LAMC3: variants seen among roughly 807,000 people sequenced by gnomAD.
LAMC3 encodes laminin subunit gamma 3.
Under a neutral mutation model 173.8 loss-of-function variants are expected in LAMC3, and 128 were observed. The observed-to-expected ratio is 0.74, with a 90% CI of 0.64 to 0.85. The LOEUF (loss-of-function observed/expected upper bound fraction) is 0.85, where lower values mean the gene tolerates loss of function less well. Among genes scored for constraint, LAMC3 ranks in the 40% least tolerant of loss-of-function variants. The pLI is 0.00. For missense variants in LAMC3, 2,022 were observed against 2,156.0 expected, an observed-to-expected ratio of 0.94 and a Z score of 1.23; for synonymous variants, 897 against 909.1, an observed-to-expected ratio of 0.99 and a Z score of 0.24.
At chr9:131,034,030 C>T (rs982031054) in intron 3 of LAMC3, among the ~76,000 whole-genome samples, 2 of 152,104 alleles carry the variant, frequency 1.3e-5, no homozygotes, top group African/African-American at 2.4e-5. Flanking sequence ...AGGAGCTCCC[C>T]GGGGAAGGCG....
At chr9:131,060,125 AGGAACAG>A (rs1829779044) in intron 12 of LAMC3, among the ~76,000 whole-genome samples, 1 of 152,224 alleles carries the variant, frequency 6.6e-6, no homozygotes, top group South Asian at 2.1e-4. Context: ...GCCAGAGGGC[AGGAACAG>A]GGGTTCCCTC....
At chr9:131,047,817 C>T (rs57088259) in intron 8 of LAMC3, among the ~76,000 whole-genome samples, 3 of 151,484 alleles carry the variant, frequency 2.0e-5, no homozygotes, top group African/African-American at 2.4e-5. Context: ...GAGCCGAGAT[C>T]GCGCCACTGC....
chr9:131,075,780 G>A, intron 20 of LAMC3, 51 bp from the exon 21 acceptor site: 1 of 1,572,800 alleles, frequency 6.4e-7, no homozygotes, highest in African/African-American at 1.3e-5. Flanking sequence ...CTGATCCTGG[G>A]CCCCTTCCCT....
At chr9:131,056,734 G>C (rs1324011561) in intron 11 of LAMC3, among the ~76,000 whole-genome samples, 195 bp from the exon 12 acceptor site, 1 of 152,130 alleles carries the variant, frequency 6.6e-6, no homozygotes, top group Admixed American at 6.5e-5. Flanking sequence ...CGAGGCTACA[G>C]AGCTATGATT....
rs756888738 is a variant in LAMC3, at chr9:131,026,375, G to A, written c.464G>A (p.Gly155Asp). ...FAIYKRSRAD[G>D]PWEPYQFYSA... ...ATCTACAAGCGCAGCCGCGCCGACGGCCCATGGGAGCCCTACCAGTTCTAC... is the reference window on the plus strand; with the variant it reads ...ATCTACAAGCGCAGCCGCGCCGACGACCCATGGGAGCCCTACCAGTTCTAC... Residue 155 changes from glycine to aspartate, a missense_variant, in exon 2 of 28, where the codon GGC becomes GAC. Physicochemically the swap from Gly to Asp is moderately conservative, Grantham distance 94. Transcript: ENST00000361069. This position sits in a 1 kb window ranked among gnomAD's most constrained non-coding sequence, Gnocchi z 4.8. 7 of 1,613,998 alleles carry A rather than the reference G, an allele frequency of 4.3e-6. No homozygotes were observed. In the African/African-American group the frequency reaches 9.3e-5, roughly 22 times the overall value.
intron 20 of LAMC3, among the ~76,000 whole-genome samples, chr9:131,074,931 C>A (rs917284124): frequency 6.6e-6 from 1 of 151,956 alleles, no homozygotes; most frequent in African/African-American, 2.4e-5. Flanking sequence ...GGTGACTGTA[C>A]AATTTATTGT....
At chr9:131,064,804 G>A (rs1372979218) in intron 13 of LAMC3, among the ~76,000 whole-genome samples, 2 of 152,126 alleles carry the variant, frequency 1.3e-5, no homozygotes, top group African/African-American at 2.4e-5. Flanking sequence ...GGGAGGCTGA[G>A]CCAAGGCAGG....
At position 131,077,484 on chromosome 9, in the gene LAMC3, T is replaced by C. The variant is rs1050251140; in HGVS notation, c.3777+150T>C. ...CTGAGGTCAGGAGTTTGAGACCACC[T>C]GGGCCAACGTAGTGAAACCTAGTCT... On this transcript the variant is annotated intron_variant, in intron 22 of 27. Transcript: ENST00000361069. The C allele has an allele frequency of 4.2e-6, 4 of 950,400 alleles. No homozygotes were observed. The East Asian group carries it at 8.2e-5, about 19-fold the overall frequency. 58.9% of individuals were successfully genotyped at this position (950,400 alleles called of 1,614,324 possible). A position where few individuals can be genotyped will look rare whatever the true frequency, so the allele number is the denominator to read the frequency against.
At position 131,068,959 on chromosome 9, in the gene LAMC3, T is replaced by C; in HGVS notation, c.2799T>C (p.Thr933=). The C allele has an allele frequency of 2.5e-6, 4 of 1,614,038 alleles. No homozygotes were observed. The highest frequency in any genetic ancestry group is 3.4e-6 in the Non-Finnish European group (4 of 1,179,980). ...AGGAGGACCAGTGCCATCCCAAGAC[T>C]GGACAGTGCACCTGCCGCCCAGGTG... ...GSQEDQCHPK[T]GQCTCRPGVT... Residue 933 remains threonine (T), a synonymous_variant, in exon 16 of 28, where the codon ACT becomes ACC. Transcript: ENST00000361069.
At position 131,071,471 on chromosome 9, in the gene LAMC3, C is replaced by T. The variant is rs2133322360; in HGVS notation, c.3070-13C>T. The T allele has an allele frequency of 8.7e-6, 14 of 1,613,642 alleles. No individual in the cohort carries two copies. The highest frequency in any genetic ancestry group is 1.1e-5 in the Non-Finnish European group (13 of 1,179,894). ...CACCAGCCTCATACACCTTTTCTTC[C>T]TGTCCTCTCCAGGCAGCCAAGCTGA... On this transcript the variant is annotated splice_polypyrimidine_tract_variant and intron_variant, in intron 17 of 27. Transcript: ENST00000361069.
intron 8 of LAMC3, among the ~76,000 whole-genome samples, chr9:131,047,706 T>C (rs1588150340): frequency 1.3e-5 from 2 of 150,418 alleles, no homozygotes; most frequent in East Asian, 4.2e-4. Flanking sequence ...CTGCTAAAAA[T>C]ACAAAAATTA....
chr9:131,046,194 T>C (rs1588149491), intron 8 of LAMC3, among the ~76,000 whole-genome samples: 2 of 132,768 alleles, frequency 1.5e-5, no homozygotes, highest in South Asian at 2.5e-4. Flanking sequence ...TTTTTTTTTT[T>C]TTTTTTTTTT....
rs918087751 is a variant in LAMC3, at chr9:131,060,648, A to C, written c.2159-387A>C. ...ACAGAGTGAGACTCTGTCTCAACTA[A>C]TAATAATAATAATAATAATAATAAC... On this transcript the variant is annotated intron_variant, in intron 12 of 27. Coordinates refer to ENST00000361069, the MANE Select transcript of LAMC3 (RefSeq NM_006059.4). 2.3e-3 allele frequency among the ~76,000 whole-genome samples: 11 copies of C among 4,836 alleles called. No individual in the cohort carries two copies. In the African/African-American group the frequency reaches 0.07, roughly 31 times the overall value. 3.2% of individuals were successfully genotyped at this position (4,836 alleles called of 152,430 possible). A position where few individuals can be genotyped will look rare whatever the true frequency, so the allele number is the denominator to read the frequency against.
At chr9:131,045,396 GAAAA>G (rs200935188) in intron 7 of LAMC3, 124 bp from the exon 8 acceptor site, 2 of 1,070,126 alleles carry the variant, frequency 1.9e-6, no homozygotes, top group Non-Finnish European at 2.8e-6. Flanking sequence ...CTAGAATTCT[GAAAA>G]AAAATTGTTT....
intron 11 of LAMC3, among the ~76,000 whole-genome samples, chr9:131,055,647 G>A (rs572922930): frequency 1.8e-3 from 265 of 150,852 alleles, no homozygotes; most frequent in Non-Finnish European, 2.3e-3. Context: ...GGATGGTCTC[G>A]ATTTCCTGAC....
chr9:131,078,615 G>A (rs1161444847), intron 22 of LAMC3, among the ~76,000 whole-genome samples: 1 of 152,242 alleles, frequency 6.6e-6, no homozygotes, highest in East Asian at 1.9e-4. Flanking sequence ...GGAGAGTAAT[G>A]CACAGCTGTT....
chr9:131,028,494 G>A lies in LAMC3; in HGVS notation c.678+1905G>A, dbSNP rs543277823. ...ACACTGACACCCAAAAAGAAGTTGC[G>A]TTCTGTCAGCGATGTGCAGCATGAG... is the stretch of plus-strand genomic sequence containing the variant. On this transcript the variant is annotated intron_variant, in intron 2 of 27. Transcript: ENST00000361069. Among the ~76,000 whole-genome samples, 14 of 152,298 alleles carry A rather than the reference G, an allele frequency of 9.2e-5. No homozygotes were observed. In the East Asian group the frequency reaches 9.7e-4, roughly 11 times the overall value.
In LAMC3 at chr9:131,038,887, G is replaced by A. The variant is rs140139330; in HGVS notation, c.1000G>A (p.Glu334Lys). The change falls in exon 5 of 28, where the codon GAG becomes AAG. Residue 334 changes from glutamate to lysine, a missense_variant. Glu to Lys is a moderately conservative substitution (Grantham distance 56, BLOSUM62 1). Transcript: ENST00000361069. ...AGCCTGCAACTGCAGTGGCCGCTCC[G>A]AGGAATGCACGTTTGATCGGGAGCT... is the stretch of plus-strand genomic sequence containing the variant. Reference protein sequence around the residue: ...CLPCNCSGRSEECTFDRELFR... With the variant: ...CLPCNCSGRSKECTFDRELFR... The A allele has an allele frequency of 5.4e-5, 87 of 1,613,064 alleles. No homozygotes were observed. Among genetic ancestry groups the A allele is most frequent in the Middle Eastern group, 3.3e-4 (2 of 6,082 alleles).
chr9:131,042,119 C>A (rs549952742), intron 7 of LAMC3, among the ~76,000 whole-genome samples: 1 of 152,048 alleles, frequency 6.6e-6, no homozygotes, highest in African/African-American at 2.4e-5. Flanking sequence ...ACAGGCCTCC[C>A]GTTTCACACT....
Sources: allele counts gnomAD v4.1 joint callset (sites outside exome capture counted in the v4.1 genomes callset), GRCh38; gene constraint gnomAD v4.1.1; non-coding constraint Gnocchi (gnomAD v3.1); transcripts MANE v1.5; gene names NCBI Gene and HGNC (gene_info 2026-07-23, HGNC 2026-07-21).